CNOT6: variants seen among roughly 807,000 people sequenced by gnomAD.
The protein encoded by CNOT6 is carbon catabolite repression 4 protein.
A neutral mutation model predicts 61.2 loss-of-function variants in CNOT6; 12 were observed. That is an observed-to-expected ratio of 0.20 (90% CI 0.13 to 0.32). The LOEUF is 0.32. CNOT6 is among the 10% of genes least tolerant of loss of function. The pLI, the probability that CNOT6 is intolerant of heterozygous loss-of-function variation, is 1.00. For synonymous variants in CNOT6, 225 were observed against 240.6 expected, an observed-to-expected ratio of 0.94 and a Z score of 0.60; for missense variants, 405 against 663.9, an observed-to-expected ratio of 0.61 and a Z score of 4.28.
chr5:180,568,824 A>G (rs2127765435), intron 9 of CNOT6, among the ~76,000 whole-genome samples: 1 of 152,310 alleles, frequency 6.6e-6, no homozygotes, highest in South Asian at 2.1e-4. Context: ...AGGACATCCA[A>G]ACTAAGACCA....
rs553636165 is a variant in CNOT6, at chr5:180,494,978, G to C, written c.-3+215G>C. 3.8e-3 allele frequency among the ~76,000 whole-genome samples: 580 copies of C among 151,480 alleles called. 3 individuals are homozygous for C. Among genetic ancestry groups the C allele is most frequent in the South Asian group, 0.013 (61 of 4,796 alleles). ...CGCCCCCGGGCCGAGTCCCTGGGAG[G>C]GGGGCGTTGATTGACGGCGGCGGCG... On this transcript the variant is annotated intron_variant, in intron 1 of 11. Transcript: ENST00000261951.
intron 2 of CNOT6, among the ~76,000 whole-genome samples, chr5:180,541,171 C>G (rs1759011402): frequency 6.6e-6 from 1 of 150,488 alleles, no homozygotes; most frequent in Non-Finnish European, 1.5e-5. Context: ...TGGAGTCTTA[C>G]TCTCTTGCCC....
Position 180,574,595 on chromosome 5 carries a change from A to C in CNOT6, c.*395A>C. The C allele has an allele frequency of 9.8e-6, 2 of 203,266 alleles. No individual in the cohort carries two copies. Among genetic ancestry groups the C allele is most frequent in the Non-Finnish European group, 2.0e-5 (2 of 99,562 alleles). 12.6% of individuals were successfully genotyped at this position (203,266 alleles called of 1,614,324 possible). On this transcript the variant is annotated 3_prime_UTR_variant, in exon 12 of 12. Transcript: ENST00000261951. Reference sequence around the variant, plus strand: ...TCCAGAGATCATTCTTCCATACTTTACTCCCTCCTTTTTCAGACTTGTTTG... The same window carrying C: ...TCCAGAGATCATTCTTCCATACTTTCCTCCCTCCTTTTTCAGACTTGTTTG...
At chr5:180,532,310 C>T (rs1269956299) in intron 2 of CNOT6, among the ~76,000 whole-genome samples, 3 of 152,150 alleles carry the variant, frequency 2.0e-5, no homozygotes, top group Non-Finnish European at 4.4e-5. Flanking sequence ...TGTCCCCTAT[C>T]TTACAGCATT....
chr5:180,521,874 C>G (rs542795157), intron 1 of CNOT6, among the ~76,000 whole-genome samples: 20 of 152,308 alleles, frequency 1.3e-4, no homozygotes, highest in African/African-American at 4.8e-4. Context: ...TTATTTCATT[C>G]TTTTCTTGTG....
At chr5:180,563,000 T>G (rs1021081888) in intron 4 of CNOT6, among the ~76,000 whole-genome samples, 4 of 152,198 alleles carry the variant, frequency 2.6e-5, no homozygotes, top group Admixed American at 6.5e-5. Context: ...AAATACCTAC[T>G]TTGCACTTAG....
intron 1 of CNOT6, chr5:180,495,636 C>A (rs1289103879): frequency 6.6e-6 from 1 of 152,232 alleles, no homozygotes; most frequent in Admixed American, 6.5e-5. Flanking sequence ...AGTTCCCATA[C>A]TTACCTGTTT....
At chr5:180,564,619 T>G (rs763019741) in intron 5 of CNOT6, 26 bp downstream of exon 5, 1 of 1,609,622 alleles carries the variant, frequency 6.2e-7, no homozygotes, top group South Asian at 1.1e-5. Context: ...TTTAAACCTT[T>G]TTATTAGGAA....
chr5:180,519,196 T>G (rs1025390919), intron 1 of CNOT6, among the ~76,000 whole-genome samples: 9 of 152,218 alleles, frequency 5.9e-5, no homozygotes, highest in African/African-American at 1.9e-4. Flanking sequence ...GTAAGTTGTT[T>G]TGAAACAAAG....
At chr5:180,517,690 C>T (rs1271037538) in intron 1 of CNOT6, among the ~76,000 whole-genome samples, 2 of 152,104 alleles carry the variant, frequency 1.3e-5, no homozygotes, top group East Asian at 3.9e-4. Context: ...ACTACAGACG[C>T]CTGCCACAAA....
At chr5:180,573,552 AGTGTGTGTGTGTGTGTGTGTGT>A (rs755954581) in intron 11 of CNOT6, among the ~76,000 whole-genome samples, 2 of 119,164 alleles carry the variant, frequency 1.7e-5, no homozygotes, top group African/African-American at 3.2e-5. Flanking sequence ...GGAGGGGGGC[AGTGTGTGTGTGTGTGTGTGTGT>A]GTGTGTGTGT....
chr5:180,565,795 A>G lies in CNOT6; in HGVS notation c.560-25A>G, dbSNP rs534961163. On this transcript the variant is annotated intron_variant, in intron 6 of 11. Transcript: ENST00000261951. ...ATATTTTTTTCTGCCACATGTGTGA[A>G]TAAGTAAAGTTATCTTTCCTACAGC... 569 of 1,540,272 alleles carry G rather than the reference A, an allele frequency of 3.7e-4. 7 individuals carry two copies. The South Asian group carries it at 6.4e-3, about 17-fold the overall frequency.
chr5:180,499,853 G>A (rs1367395720), intron 1 of CNOT6, among the ~76,000 whole-genome samples: 1 of 152,180 alleles, frequency 6.6e-6, no homozygotes, highest in Non-Finnish European at 1.5e-5. Flanking sequence ...CAGATGGAAG[G>A]TTGTAACACG....
chr5:180,529,051 A>G (rs900273035), intron 1 of CNOT6, among the ~76,000 whole-genome samples: 10 of 152,112 alleles, frequency 6.6e-5, no homozygotes, highest in African/African-American at 2.4e-4. Context: ...TGTATTAAAA[A>G]TACAAAAATG....
At chr5:180,561,829 T>G (rs1281598376) in intron 4 of CNOT6, among the ~76,000 whole-genome samples, 1 of 152,176 alleles carries the variant, frequency 6.6e-6, no homozygotes, top group Non-Finnish European at 1.5e-5. Context: ...AAGTCTTGAC[T>G]CTCCTTGGCC....
chr5:180,524,509 T>A (rs1025086397), intron 1 of CNOT6, among the ~76,000 whole-genome samples: 2 of 152,078 alleles, frequency 1.3e-5, no homozygotes, highest in African/African-American at 2.4e-5. Context: ...ACTGAAGAGA[T>A]CTTCAGTGCC....
At chr5:180,569,488 T>A (rs1174330855) in intron 10 of CNOT6, 148 bp downstream of exon 10, 1 of 628,090 alleles carries the variant, frequency 1.6e-6, no homozygotes, top group East Asian at 2.8e-5. Flanking sequence ...CATGTTGGGG[T>A]GGAGGGGCCA....
intron 7 of CNOT6, 90 bp downstream of exon 7, chr5:180,566,067 T>A: frequency 2.5e-6 from 3 of 1,211,234 alleles, no homozygotes; most frequent in South Asian, 3.3e-5. Context: ...AGTTTTAGCT[T>A]CAGTAGTTCT....
chr5:180,505,780 C>A (rs995591521), intron 1 of CNOT6, among the ~76,000 whole-genome samples: 1 of 150,858 alleles, frequency 6.6e-6, no homozygotes, highest in Non-Finnish European at 1.5e-5. Context: ...GATCTCCTGA[C>A]CTTGTGATCC....
Sources: gnomAD v4.1 joint callset for allele counts (sites outside exome capture counted in the v4.1 genomes callset) on GRCh38, gnomAD v4.1.1 for gene constraint, MANE v1.5 for transcripts, NCBI Gene and HGNC (gene_info 2026-07-23, HGNC 2026-07-21) for gene names.